Variants in CNTN4 observed in about 807,000 individuals in gnomAD.
CNTN4 encodes contactin-4.
A neutral mutation model predicts 122.5 loss-of-function variants in CNTN4; 77 were observed. That is an observed-to-expected ratio of 0.63 (90% CI 0.52 to 0.76). CNTN4 has a LOEUF of 0.76. CNTN4 is among the 30% of genes least tolerant of loss of function. The probability of loss-of-function intolerance (pLI) is 0.00; values close to 1 mark genes in which losing one functional copy is unlikely to be tolerated. For synonymous variants in CNTN4, 512 were observed against 447.0 expected, an observed-to-expected ratio of 1.15 and a Z score of -1.83; for missense variants, 1,256 against 1,259.1, an observed-to-expected ratio of 1.00 and a Z score of 0.04.
At chr3:3,016,236 C>A (rs1370362632) in intron 14 of CNTN4, among the ~76,000 whole-genome samples, 1 of 152,064 alleles carries the variant, frequency 6.6e-6, no homozygotes, top group Non-Finnish European at 1.5e-5. Flanking sequence ...TTTCCTAGTC[C>A]TTTCAGATTG....
intron 2 of CNTN4, among the ~76,000 whole-genome samples, chr3:2,172,851 C>G (rs1042041875): frequency 6.6e-6 from 1 of 152,068 alleles, no homozygotes; most frequent in African/African-American, 2.4e-5. Flanking sequence ...GGAAAAGAGA[C>G]AAATGAGAAA....
intron 3 of CNTN4, among the ~76,000 whole-genome samples, chr3:2,474,457 G>T (rs773357889): frequency 6.6e-6 from 1 of 151,990 alleles, no homozygotes; most frequent in Admixed American, 6.6e-5. Flanking sequence ...AAAACATTTC[G>T]CTTTCATTAT....
chr3:2,551,253 T>C (rs2078492277), intron 3 of CNTN4, among the ~76,000 whole-genome samples: 1 of 152,042 alleles, frequency 6.6e-6, no homozygotes, highest in African/African-American at 2.4e-5. Flanking sequence ...TGAGAAATGG[T>C]ATGGTTTTTT....
intron 12 of CNTN4, among the ~76,000 whole-genome samples, chr3:2,910,979 T>C (rs1051514395): frequency 2.6e-5 from 4 of 152,326 alleles, no homozygotes; most frequent in African/African-American, 9.6e-5. Context: ...TGGCACTCGC[T>C]TGCTGGAGCA....
At position 2,770,466 on chromosome 3, in the gene CNTN4, C is replaced by G. The variant is rs202240904; in HGVS notation, c.358+24769C>G. Among the ~76,000 whole-genome samples, 39 of 152,324 alleles carry G rather than the reference C, an allele frequency of 2.6e-4. No individual in the cohort carries two copies. The East Asian group carries it at 7.2e-3, about 28-fold the overall frequency. ...CAAGGGCCCTCAGCTTCCTTCATCC[C>G]AAGAGAGGAAGTGCATTGTTATAAA... On this transcript the variant is annotated intron_variant, in intron 6 of 24. Coordinates refer to ENST00000418658, the MANE Select transcript of CNTN4 (RefSeq NM_175607.3).
At chr3:2,303,074 A>G (rs1325222721) in intron 2 of CNTN4, among the ~76,000 whole-genome samples, 2 of 152,356 alleles carry the variant, frequency 1.3e-5, no homozygotes, top group East Asian at 3.9e-4. Flanking sequence ...TATGAAGTAT[A>G]GATACTGTTA....
chr3:2,608,767 T>A (rs927487751), intron 4 of CNTN4, among the ~76,000 whole-genome samples: 1 of 152,246 alleles, frequency 6.6e-6, no homozygotes, highest in Non-Finnish European at 1.5e-5. Context: ...ATTACAGGCA[T>A]GAGCAACTGC....
intron 3 of CNTN4, among the ~76,000 whole-genome samples, chr3:2,362,992 T>C (rs2045222561): frequency 6.6e-6 from 1 of 152,230 alleles, no homozygotes; most frequent in Admixed American, 6.5e-5. Context: ...TATTTTCTTA[T>C]TTTTCATGTA....
chr3:2,516,360 C>T (rs2077040130), intron 3 of CNTN4, among the ~76,000 whole-genome samples: 1 of 151,962 alleles, frequency 6.6e-6, no homozygotes, highest in Non-Finnish European at 1.5e-5. Flanking sequence ...GGAACTATTT[C>T]AATGCAAACT....
chr3:2,318,000 T>A (rs985565157), intron 2 of CNTN4, among the ~76,000 whole-genome samples: 2 of 152,196 alleles, frequency 1.3e-5, no homozygotes, highest in African/African-American at 4.8e-5. Flanking sequence ...AGATTTAAGT[T>A]ATAATTAACT....
chr3:3,001,825 A>G (rs75163242), intron 14 of CNTN4, among the ~76,000 whole-genome samples: 3,127 of 152,288 alleles, frequency 0.021, 92 homozygotes, highest in African/African-American at 0.07. Flanking sequence ...AAATCTTTCT[A>G]TTTATAATGC....
chr3:2,368,082 G>C (rs1341220369), intron 3 of CNTN4, among the ~76,000 whole-genome samples: 2 of 145,436 alleles, frequency 1.4e-5, no homozygotes, highest in Non-Finnish European at 3.0e-5. Flanking sequence ...GCCCAGGCTG[G>C]AGTGCAGTGG....
chr3:2,518,235 GCA>G (rs1426129899), intron 3 of CNTN4, among the ~76,000 whole-genome samples: 15 of 152,086 alleles, frequency 9.9e-5, no homozygotes, highest in South Asian at 8.3e-4. Context: ...GTGTGTGTGT[GCA>G]CACACGCACA....
rs1171879764 is a variant in CNTN4, at chr3:2,836,282, T to C, written c.454+16701T>C. 2.6e-5 allele frequency among the ~76,000 whole-genome samples: 4 copies of C among 152,204 alleles called. No individual in the cohort carries two copies. In the East Asian group the frequency reaches 5.8e-4, roughly 22 times the overall value. On this transcript the variant is annotated intron_variant, in intron 7 of 24. Coordinates refer to ENST00000418658, the MANE Select transcript of CNTN4 (RefSeq NM_175607.3). Reference sequence around the variant, plus strand: ...TAAAGAAAATATTTTAAAGTTTTAATGTAATTCTCTTGCCAAATAATTTGT... The same window carrying C: ...TAAAGAAAATATTTTAAAGTTTTAACGTAATTCTCTTGCCAAATAATTTGT...
At chr3:2,964,356 A>C (rs554197711) in intron 13 of CNTN4, among the ~76,000 whole-genome samples, 1 of 152,300 alleles carries the variant, frequency 6.6e-6, no homozygotes, top group East Asian at 1.9e-4. Flanking sequence ...TGAATATCCA[A>C]TGTGAGTAAA....
chr3:2,630,584 A>T (rs936380685), intron 4 of CNTN4, among the ~76,000 whole-genome samples: 1 of 152,132 alleles, frequency 6.6e-6, no homozygotes, highest in Non-Finnish European at 1.5e-5. Flanking sequence ...TTATTAGTAC[A>T]CGAATCATAA....
At chr3:2,843,027 C>A (rs142839525) in intron 7 of CNTN4, among the ~76,000 whole-genome samples, 1 of 152,062 alleles carries the variant, frequency 6.6e-6, no homozygotes, top group African/African-American at 2.4e-5. Flanking sequence ...TTTATAAATA[C>A]CTACTGTCAG....
chr3:2,866,453 C>G (rs2093724700), intron 7 of CNTN4: 1 of 1,238,696 alleles, frequency 8.1e-7, no homozygotes, highest in Non-Finnish European at 1.0e-6. Flanking sequence ...TACATAGTGC[C>G]TGACACCTGA....
chr3:2,536,400 T>C (rs1397038369), intron 3 of CNTN4, among the ~76,000 whole-genome samples: 2 of 152,138 alleles, frequency 1.3e-5, no homozygotes, highest in African/African-American at 4.8e-5. Context: ...TGACTTCATA[T>C]ACTGAGACCA....
Sources: allele counts gnomAD v4.1 joint callset (sites outside exome capture counted in the v4.1 genomes callset), GRCh38; gene constraint gnomAD v4.1.1; transcripts MANE v1.5; gene names NCBI Gene and HGNC (gene_info 2026-07-23, HGNC 2026-07-21).